Variants in CSMD3 observed in about 807,000 individuals in gnomAD.
The protein encoded by CSMD3 is CUB and sushi domain-containing protein 3.
Under a neutral mutation model 435.2 loss-of-function variants are expected in CSMD3, and 177 were observed. That is an observed-to-expected ratio of 0.41 (90% CI 0.36 to 0.46). The LOEUF is 0.46. Ranked by LOEUF, CSMD3 falls within the 20% of genes least tolerant of loss-of-function variation. The probability of loss-of-function intolerance (pLI) is 0.34; values close to 1 mark genes in which losing one functional copy is unlikely to be tolerated. For synonymous variants in CSMD3, 1,656 were observed against 1,520.5 expected, an observed-to-expected ratio of 1.09 and a Z score of -2.07; for missense variants, 4,265 against 4,504.6, an observed-to-expected ratio of 0.95 and a Z score of 1.52.
At chr8:113,418,437 T>C (rs72673229) in intron 1 of CSMD3, among the ~76,000 whole-genome samples, 1,879 of 152,298 alleles carry the variant, frequency 0.012, 18 homozygotes, top group Non-Finnish European at 0.019. Flanking sequence ...GTAAAATATA[T>C]AGTTGGAGTG....
chr8:112,319,973 G>C lies in CSMD3; in HGVS notation c.7174C>G (p.Leu2392Val), dbSNP rs772963653. The C allele has an allele frequency of 2.5e-6, 4 of 1,608,858 alleles. No individual in the cohort carries two copies. In the East Asian group the frequency reaches 6.7e-5, roughly 27 times the overall value. The change falls in exon 46 of 71, where the codon CTA (leucine) becomes GTA (valine). Residue 2392 changes from leucine to valine, a missense_variant. Transcript: ENST00000297405. ...FFVLSYHAYQ[L>V]RVCQPPPPVP... The stretch of plus-strand genomic sequence containing the variant: ...GGTGGTGGAGGTTGGCACACCCTTA[G>C]TTGATAGGCTACAAAAATAAACAAA...
chr8:112,303,001 T>C (rs1452242446), intron 52 of CSMD3, among the ~76,000 whole-genome samples: 1 of 152,078 alleles, frequency 6.6e-6, no homozygotes, highest in Non-Finnish European at 1.5e-5. Flanking sequence ...TTCTTACCTG[T>C]AGGCAGTAAC....
chr8:113,427,689 C>T (rs2094644097), intron 1 of CSMD3, among the ~76,000 whole-genome samples: 1 of 151,612 alleles, frequency 6.6e-6, no homozygotes, highest in African/African-American at 2.4e-5. Flanking sequence ...GTGAATGGAA[C>T]TTGGATATGC....
chr8:112,724,885 G>A (rs1420375104), intron 13 of CSMD3, among the ~76,000 whole-genome samples: 1 of 152,052 alleles, frequency 6.6e-6, no homozygotes, highest in African/African-American at 2.4e-5. Flanking sequence ...TGAGCATTTA[G>A]TGCTAAGATA....
intron 45 of CSMD3, among the ~76,000 whole-genome samples, chr8:112,324,842 G>A (rs1823342053): frequency 6.6e-6 from 1 of 152,092 alleles, no homozygotes; most frequent in Admixed American, 6.6e-5. Context: ...ACAATTGGAA[G>A]AGAACAAGAG....
intron 1 of CSMD3, among the ~76,000 whole-genome samples, chr8:113,356,109 T>C (rs950560327): frequency 2.0e-5 from 3 of 152,024 alleles, no homozygotes; most frequent in African/African-American, 7.2e-5. Flanking sequence ...CCCCTTTGCA[T>C]GTTTTATATT....
At chr8:112,469,862 G>T (rs1261697757) in intron 32 of CSMD3, among the ~76,000 whole-genome samples, 1 of 152,186 alleles carries the variant, frequency 6.6e-6, no homozygotes, top group African/African-American at 2.4e-5. Flanking sequence ...AAGAAGGAAT[G>T]ATCATAATTT....
intron 10 of CSMD3, among the ~76,000 whole-genome samples, chr8:112,891,146 C>A (rs1331450017): frequency 6.6e-6 from 1 of 151,500 alleles, no homozygotes; most frequent in Non-Finnish European, 1.5e-5. Flanking sequence ...ACATCCAATC[C>A]AATAGCTTTT....
At chr8:112,501,656 C>T (rs772237940) in intron 30 of CSMD3, among the ~76,000 whole-genome samples, 9 of 152,108 alleles carry the variant, frequency 5.9e-5, no homozygotes, top group African/African-American at 1.2e-4. Context: ...GAGGTTCATA[C>T]CCTTTGACCC....
chr8:113,337,803 T>G (rs1050151381), intron 1 of CSMD3, among the ~76,000 whole-genome samples: 1 of 151,810 alleles, frequency 6.6e-6, no homozygotes, highest in African/African-American at 2.4e-5. Flanking sequence ...AACAACAATG[T>G]ATTATATTCT....
intron 6 of CSMD3, among the ~76,000 whole-genome samples, chr8:113,012,147 A>G (rs771001841): frequency 1.1e-4 from 16 of 151,920 alleles, no homozygotes; most frequent in Non-Finnish European, 2.2e-4. Flanking sequence ...CTTAAAACTC[A>G]GTAAATAAAA....
At chr8:113,337,642 C>T (rs2094086799) in intron 1 of CSMD3, among the ~76,000 whole-genome samples, 1 of 151,758 alleles carries the variant, frequency 6.6e-6, no homozygotes. Context: ...TAGATTTTAT[C>T]AAAATTAAAA....
At chr8:113,267,131 C>T in intron 3 of CSMD3, among the ~76,000 whole-genome samples, 1 of 151,554 alleles carries the variant, frequency 6.6e-6, no homozygotes, top group East Asian at 1.9e-4. Flanking sequence ...GAAATGGGAA[C>T]TCTTATACGC....
At chr8:113,239,540 T>TCATCTAC (rs2093189647) in intron 3 of CSMD3, among the ~76,000 whole-genome samples, 3 of 147,264 alleles carry the variant, frequency 2.0e-5, no homozygotes, top group Middle Eastern at 3.4e-3. Flanking sequence ...CTATCATCTA[T>TCATCTAC]CTTATCAGTT....
At chr8:113,270,299 GTCGATCAT>G (rs2093511412) in intron 3 of CSMD3, among the ~76,000 whole-genome samples, 1 of 79,774 alleles carries the variant, frequency 1.3e-5, no homozygotes, top group Non-Finnish European at 2.5e-5. Context: ...TCATTAAAAA[GTCGATCAT>G]TAAAAAGTCG....
At chr8:112,995,563 C>T (rs1231333981) in intron 6 of CSMD3, among the ~76,000 whole-genome samples, 5 of 151,292 alleles carry the variant, frequency 3.3e-5, no homozygotes, top group South Asian at 2.1e-4. Flanking sequence ...TTAAAATTTA[C>T]ATTAGGAAAT....
chr8:112,953,402 C>T (rs2083898105), intron 8 of CSMD3, among the ~76,000 whole-genome samples: 4 of 151,174 alleles, frequency 2.6e-5, no homozygotes, highest in Admixed American at 2.6e-4. Context: ...TGCTTATTTT[C>T]CTTAAAAACT....
At chr8:112,561,236 T>TTCATAC (rs1828595215) in intron 24 of CSMD3, among the ~76,000 whole-genome samples, 1 of 151,544 alleles carries the variant, frequency 6.6e-6, no homozygotes, top group Non-Finnish European at 1.5e-5. Flanking sequence ...AACTGACAAT[T>TTCATAC]AAATAAAGAT....
chr8:112,408,812 T>C, intron 33 of CSMD3, 107 bp downstream of exon 33: 1 of 1,562,130 alleles, frequency 6.4e-7, no homozygotes, highest in Non-Finnish European at 8.7e-7. Flanking sequence ...ATTTTCAGTT[T>C]GCTTTATTTC....
Sources: allele counts gnomAD v4.1 joint callset (sites outside exome capture counted in the v4.1 genomes callset), GRCh38; gene constraint gnomAD v4.1.1; transcripts MANE v1.5; gene names NCBI Gene and HGNC (gene_info 2026-07-23, HGNC 2026-07-21).